Variants in FAM3C observed in about 807,000 individuals in gnomAD.
FAM3C encodes the protein protein FAM3C.
FAM3C carries 15 observed loss-of-function variants against 32.5 expected under a neutral mutation model. The ratio of observed to expected loss-of-function variants is 0.46; its 90% CI spans 0.31 to 0.71. FAM3C has a LOEUF of 0.71. Among genes scored for constraint, FAM3C ranks in the 30% least tolerant of loss-of-function variants. The pLI is 0.05. For synonymous variants in FAM3C, 75 were observed against 86.1 expected (o/e 0.87, Z 0.72); for missense variants, 175 against 274.4 (o/e 0.64, Z 2.56).
chr7:121,363,034 G>C, intron 6 of FAM3C, 87 bp from the exon 7 acceptor site: 1 of 653,858 alleles, frequency 1.5e-6, no homozygotes. Context: ...TGATTGATGT[G>C]AATTCATTAG....
chr7:121,358,948 G>A (rs1371494818), intron 8 of FAM3C, among the ~76,000 whole-genome samples: 4 of 150,746 alleles, frequency 2.7e-5, no homozygotes, highest in African/African-American at 7.3e-5. Flanking sequence ...AGGCCAACTC[G>A]AATGGTCAAA....
intron 2 of FAM3C, among the ~76,000 whole-genome samples, 179 bp from the exon 3 acceptor site, chr7:121,379,193 T>A (rs1794300969): frequency 6.6e-6 from 1 of 152,144 alleles, no homozygotes; most frequent in African/African-American, 2.4e-5. Flanking sequence ...AGATAAAGAA[T>A]TTTCCTGATC....
chr7:121,379,245 AAC>A (rs1457926771), intron 2 of FAM3C, among the ~76,000 whole-genome samples: 1 of 152,150 alleles, frequency 6.6e-6, no homozygotes, highest in Non-Finnish European at 1.5e-5. Flanking sequence ...GGACTGCTTG[AAC>A]CATCTGCCTA....
At chr7:121,376,951 T>C (rs1794248778) in intron 3 of FAM3C, among the ~76,000 whole-genome samples, 1 of 152,160 alleles carries the variant, frequency 6.6e-6, no homozygotes, top group Non-Finnish European at 1.5e-5. Context: ...TGAGAAACAC[T>C]GGAATAACAG....
At chr7:121,391,409 G>A (rs1794575786) in intron 1 of FAM3C, among the ~76,000 whole-genome samples, 1 of 152,162 alleles carries the variant, frequency 6.6e-6, no homozygotes, top group African/African-American at 2.4e-5. Context: ...TATATTAACT[G>A]TTAGAGGTTG....
At chr7:121,364,005 G>A in intron 6 of FAM3C, 125 bp downstream of exon 6, 1 of 661,672 alleles carries the variant, frequency 1.5e-6, no homozygotes, top group Middle Eastern at 2.7e-4. Flanking sequence ...GCAGGGCAGG[G>A]ATGGGACAGA....
intron 1 of FAM3C, among the ~76,000 whole-genome samples, chr7:121,390,938 T>C (rs1220297659): frequency 6.6e-6 from 1 of 150,502 alleles, no homozygotes. Flanking sequence ...TTTTTCATTC[T>C]TTCTGGAACA....
chr7:121,373,059 T>C (rs1794178330), intron 3 of FAM3C, among the ~76,000 whole-genome samples: 1 of 152,134 alleles, frequency 6.6e-6, no homozygotes, highest in South Asian at 2.1e-4. Flanking sequence ...ATAAAGGTAA[T>C]ATAATAACAT....
intron 5 of FAM3C, 30 bp downstream of exon 5, chr7:121,371,270 C>T (rs1360386765): frequency 1.2e-6 from 2 of 1,609,886 alleles, no homozygotes; most frequent in Non-Finnish European, 1.7e-6. Context: ...TAATAGCACA[C>T]CTTATCGTCT....
intron 1 of FAM3C, among the ~76,000 whole-genome samples, chr7:121,390,862 G>GGGC (rs1794563645): frequency 3.0e-5 from 1 of 32,846 alleles, no homozygotes; most frequent in Non-Finnish European, 1.5e-4. Flanking sequence ...GCGGGGGGGG[G>GGGC]GGGGGGGGGG....
chr7:121,373,426 A>ATACAG (rs1167705434), intron 3 of FAM3C, among the ~76,000 whole-genome samples: 9 of 152,364 alleles, frequency 5.9e-5, no homozygotes, highest in African/African-American at 2.2e-4. Flanking sequence ...CAGCTGTCCA[A>ATACAG]GTATAGAATA....
chr7:121,356,907 G>C (rs1793825420), intron 8 of FAM3C, among the ~76,000 whole-genome samples: 1 of 152,134 alleles, frequency 6.6e-6, no homozygotes, highest in Non-Finnish European at 1.5e-5. Flanking sequence ...AGTTTTCTTA[G>C]ATGTAAGTTT....
Position 121,395,697 on chromosome 7 carries a change from T to C in FAM3C, c.-42+465A>G, listed in dbSNP as rs551488972. 2.8e-4 allele frequency among the ~76,000 whole-genome samples: 43 copies of C among 152,198 alleles called. No individual in the cohort carries two copies. The South Asian group carries it at 8.1e-3, about 29-fold the overall frequency. ...TAAAAAACCAAAAGTACCTCTAGTA[T>C]AGGCGACACTAAAACTTTACAAGTG... is the stretch of plus-strand genomic sequence containing the variant. On this transcript the variant is annotated intron_variant, in intron 1 of 9. Transcript: ENST00000359943.
intron 3 of FAM3C, among the ~76,000 whole-genome samples, chr7:121,374,087 G>C (rs1794197653): frequency 6.6e-6 from 1 of 151,652 alleles, no homozygotes; most frequent in African/African-American, 2.4e-5. Flanking sequence ...TCACTTACTA[G>C]CTAAGTATTC....
intron 5 of FAM3C, among the ~76,000 whole-genome samples, chr7:121,365,780 T>C (rs1475347834): frequency 6.6e-6 from 1 of 152,050 alleles, no homozygotes; most frequent in Non-Finnish European, 1.5e-5. Context: ...ACTTTAAATA[T>C]AATTATATAG....
rs576027273 is a variant in FAM3C, at chr7:121,386,627, GTAT to G, written c.-41-3620_-41-3618del. On this transcript the variant is annotated intron_variant, in intron 1 of 9. Transcript: ENST00000359943. ...TATATAAATGAAGCTATCTCCACAT[GTAT>G]TATAAGGAATATATGTCTATATATC... is the stretch of plus-strand genomic sequence containing the variant. Among the ~76,000 whole-genome samples the G allele has an allele frequency of 2.5e-3, 374 of 150,714 alleles. 2 individuals carry two copies. Among genetic ancestry groups the G allele is most frequent in the African/African-American group, 8.7e-3 (357 of 41,048 alleles).
chr7:121,378,293 A>G (rs1794279513), intron 3 of FAM3C, among the ~76,000 whole-genome samples: 1 of 152,080 alleles, frequency 6.6e-6, no homozygotes, highest in Non-Finnish European at 1.5e-5. Flanking sequence ...CACAGAGGGA[A>G]AATAAGGATA....
chr7:121,357,279 C>T (rs1793833189), intron 8 of FAM3C, among the ~76,000 whole-genome samples: 1 of 152,120 alleles, frequency 6.6e-6, no homozygotes, highest in Non-Finnish European at 1.5e-5. Context: ...ACATGCCACC[C>T]AACTTTCTCT....
intron 5 of FAM3C, among the ~76,000 whole-genome samples, chr7:121,367,866 G>A (rs1276058275): frequency 6.6e-6 from 1 of 152,002 alleles, no homozygotes; most frequent in Non-Finnish European, 1.5e-5. Flanking sequence ...CTCAGGAGGT[G>A]GAGGTGGGAA....
Sources: allele counts gnomAD v4.1 joint callset (sites outside exome capture counted in the v4.1 genomes callset), GRCh38; gene constraint gnomAD v4.1.1; transcripts MANE v1.5; gene names NCBI Gene and HGNC (gene_info 2026-07-23, HGNC 2026-07-21).